FGF14: variants seen among roughly 807,000 people sequenced by gnomAD.
FGF14 encodes the protein fibroblast growth factor 14, also known as fibroblast growth factor homologous factor 4.
Under a neutral mutation model 25.5 loss-of-function variants are expected in FGF14, and 5 were observed. That is an observed-to-expected ratio of 0.20 (90% CI 0.10 to 0.41). The LOEUF is 0.41. FGF14 is among the 10% of genes least tolerant of loss of function. The pLI is 1.00. For missense variants in FGF14, 222 were observed against 320.1 expected, an observed-to-expected ratio of 0.69 and a Z score of 2.34; for synonymous variants, 138 against 118.3, an observed-to-expected ratio of 1.17 and a Z score of -1.08.
At chr13:101,917,129 G>C (rs528743380), upstream of FGF14, among the ~76,000 whole-genome samples, 262 of 151,714 alleles carry the variant, frequency 1.7e-3, no homozygotes, top group Non-Finnish European at 3.4e-3. Flanking sequence ...GGTCGCGCTG[G>C]GCAGGACTCA....
At chr13:102,083,671 A>G (rs1484688460) in intron 1 of FGF14, among the ~76,000 whole-genome samples, 1 of 152,196 alleles carries the variant, frequency 6.6e-6, no homozygotes, top group Non-Finnish European at 1.5e-5. Context: ...TATACCTTTC[A>G]TGTATCGATT....
Position 101,721,678 on chromosome 13 carries a change from G to A in FGF14, c.*1153C>T, listed in dbSNP as rs943461946. Reference sequence around the variant, plus strand: ...AAAGTCTAATTAATTTATAACTAACGTTTGCATTGCTGCTGCAGGAAAGAA... The same window carrying A: ...AAAGTCTAATTAATTTATAACTAACATTTGCATTGCTGCTGCAGGAAAGAA... On this transcript the variant is annotated 3_prime_UTR_variant, in exon 5 of 5. Transcript: ENST00000376143. 4 of 152,194 alleles carry A rather than the reference G, an allele frequency of 2.6e-5. No individual in the cohort carries two copies. The highest frequency in any genetic ancestry group is 9.6e-5 in the African/African-American group (4 of 41,550). The allele number at this position is 152,194 out of a possible 1,614,324, so 9.4% of individuals were successfully genotyped here. A position where few individuals can be genotyped will look rare whatever the true frequency, so the allele number is the denominator to read the frequency against.
At chr13:102,327,399 T>C (rs924461434) in intron 1 of FGF14, among the ~76,000 whole-genome samples, 1 of 152,202 alleles carries the variant, frequency 6.6e-6, no homozygotes, top group Non-Finnish European at 1.5e-5. Flanking sequence ...CAATATACAA[T>C]GCAAGGGCAA....
Position 102,068,954 on chromosome 13 carries a change from GGA to G in FGF14, c.209-193660_209-193659del, listed in dbSNP as rs796730146. Among the ~76,000 whole-genome samples, 93 of 152,288 alleles carry G rather than the reference GGA, an allele frequency of 6.1e-4. 1 individual carries two copies. Among genetic ancestry groups the G allele is most frequent in the African/African-American group, 2.1e-3 (89 of 41,548 alleles). ...TGGGCTCCTGATCTGGTGGGGACGT[GGA>G]GAGTCTTTATGTCTAGCTCGGGATT... On this transcript the variant is annotated intron_variant, in intron 1 of 4. Coordinates refer to the FGF14 transcript ENST00000376131.
Position 101,803,128 on chromosome 13 carries a change from CTT to C in FGF14, c.408+65595_408+65596del, listed in dbSNP as rs538040504. ...TTAGTTAAGTGCTGTCATTTTGAAA[CTT>C]TTTTTTTTTTTTTTTTGAGACAAGG... On this transcript the variant is annotated intron_variant, in intron 3 of 4. Coordinates refer to ENST00000376143, the MANE Select transcript of FGF14 (RefSeq NM_004115.4). 8.8e-3 allele frequency among the ~76,000 whole-genome samples: 1,167 copies of C among 132,826 alleles called. 12 individuals are homozygous for C. The highest frequency in any genetic ancestry group is 0.029 in the African/African-American group (1,024 of 35,554). 87.1% of individuals were successfully genotyped at this position (132,826 alleles called of 152,430 possible).
intron 1 of FGF14, among the ~76,000 whole-genome samples, chr13:102,166,509 G>A (rs1290807881): frequency 2.6e-5 from 4 of 152,098 alleles, no homozygotes; most frequent in East Asian, 1.9e-4. Flanking sequence ...CTCTCATACC[G>A]TGCACAAGTG....
chr13:101,746,920 C>G (rs996095582), intron 3 of FGF14, among the ~76,000 whole-genome samples: 1 of 151,972 alleles, frequency 6.6e-6, no homozygotes, highest in African/African-American at 2.4e-5. Context: ...CAGCAAGAAA[C>G]AGCATTCTAC....
chr13:102,258,351 T>C lies in FGF14; in HGVS notation c.208+143120A>G, dbSNP rs544665840. 1.5e-4 allele frequency among the ~76,000 whole-genome samples: 23 copies of C among 152,118 alleles called. No individual in the cohort carries two copies. The South Asian group carries it at 4.6e-3, about 30-fold the overall frequency. On this transcript the variant is annotated intron_variant, in intron 1 of 4. Coordinates refer to the FGF14 transcript ENST00000376131. ...TTGTACTGTGCCCCACCCACCAGTG[T>C]GGCCAGGAGGCCAAGCGACCATGGA...
At chr13:101,886,189 T>A (rs140280730) in intron 1 of FGF14, among the ~76,000 whole-genome samples, 384 of 152,300 alleles carry the variant, frequency 2.5e-3, no homozygotes, top group African/African-American at 8.8e-3. Context: ...GTAATTTATA[T>A]GATGTCACTG....
At chr13:101,729,537 C>T (rs1334493920) in intron 3 of FGF14, among the ~76,000 whole-genome samples, 1 of 152,112 alleles carries the variant, frequency 6.6e-6, no homozygotes, top group Non-Finnish European at 1.5e-5. Context: ...GGGGAAATTA[C>T]TCAATCTCTC....
chr13:102,334,897 C>T (rs940798141), intron 1 of FGF14, among the ~76,000 whole-genome samples: 4 of 152,086 alleles, frequency 2.6e-5, no homozygotes, highest in African/African-American at 9.7e-5. Flanking sequence ...TTGGTAGAGG[C>T]ACCCCTCCAT....
At chr13:102,238,853 T>C (rs570029661) in intron 1 of FGF14, among the ~76,000 whole-genome samples, 1 of 152,342 alleles carries the variant, frequency 6.6e-6, no homozygotes, top group East Asian at 1.9e-4. Context: ...ATGTGACTTA[T>C]GTGTCTGGTT....
chr13:101,849,721 T>G (rs1360202799), intron 3 of FGF14, among the ~76,000 whole-genome samples: 1 of 152,136 alleles, frequency 6.6e-6, no homozygotes, highest in Non-Finnish European at 1.5e-5. Flanking sequence ...TTGGCCAAGC[T>G]TTCCTTTATG....
intron 1 of FGF14, among the ~76,000 whole-genome samples, chr13:102,355,645 G>A (rs2057400053): frequency 6.6e-6 from 1 of 150,918 alleles, no homozygotes; most frequent in Non-Finnish European, 1.5e-5. Flanking sequence ...GAGGTATTCT[G>A]TAGAAGGAAC....
intron 1 of FGF14, among the ~76,000 whole-genome samples, chr13:102,239,081 AAAAAACAAAAAAC>A (rs1427686172): frequency 6.6e-5 from 10 of 151,534 alleles, no homozygotes; most frequent in Admixed American, 3.3e-4. Context: ...GCTGGTTAAA[AAAAAACAAAAAAC>A]AAAAAACAAA....
intron 3 of FGF14, among the ~76,000 whole-genome samples, chr13:101,768,266 A>G (rs1256383594): frequency 6.6e-6 from 1 of 152,212 alleles, no homozygotes; most frequent in Non-Finnish European, 1.5e-5. Context: ...CTAACAAAAC[A>G]TGTTCAAGGT....
rs1223484287 is a variant in FGF14 at position 101,722,138 on chromosome 13, G to GTATC, written c.*689_*692dup. ...AGGCAATGCCGACCTTGGGAGCACAGTATCTGCTACTGGACAGAGCGTATA... is the reference window on the plus strand; with the variant it reads ...AGGCAATGCCGACCTTGGGAGCACAGTATCTATCTGCTACTGGACAGAGCGTATA... On this transcript the variant is annotated 3_prime_UTR_variant, in exon 5 of 5. Coordinates refer to ENST00000376143, the MANE Select transcript of FGF14 (RefSeq NM_004115.4). 2.6e-5 allele frequency: 4 copies of GTATC among 153,968 alleles called. No homozygotes were observed. The highest frequency in any genetic ancestry group is 9.6e-5 in the African/African-American group (4 of 41,454). 9.5% of individuals were successfully genotyped at this position (153,968 alleles called of 1,614,324 possible). A position where few individuals can be genotyped will look rare whatever the true frequency, so the allele number is the denominator to read the frequency against.
intron 1 of FGF14, among the ~76,000 whole-genome samples, chr13:101,949,546 G>T (rs1273332252): frequency 6.6e-6 from 1 of 152,142 alleles, no homozygotes; most frequent in East Asian, 1.9e-4. Context: ...AAACAGAAAA[G>T]AAATTCAGTA....
At chr13:101,784,761 G>A (rs1274175759) in intron 3 of FGF14, among the ~76,000 whole-genome samples, 1 of 152,096 alleles carries the variant, frequency 6.6e-6, no homozygotes, top group Admixed American at 6.6e-5. Flanking sequence ...TGAAACACCT[G>A]CTGTGTGTCT....
Sources: gnomAD v4.1 joint callset for allele counts (sites outside exome capture counted in the v4.1 genomes callset) on GRCh38, gnomAD v4.1.1 for gene constraint, MANE v1.5 for transcripts, NCBI Gene and HGNC (gene_info 2026-07-23, HGNC 2026-07-21) for gene names.